DGKK: variants seen among roughly 807,000 people sequenced by gnomAD.
DGKK encodes diacylglycerol kinase kappa, also known as 142 kDa diacylglycerol kinase.
In DGKK, 35 loss-of-function variants were observed where a neutral mutation model predicts 92.2. The observed-to-expected ratio is 0.38, with a 90% CI of 0.29 to 0.50. The LOEUF is 0.50. Ranked by LOEUF, DGKK falls within the 20% of genes least tolerant of loss-of-function variation. The pLI is 0.92. For missense variants in DGKK, 910 were observed against 992.2 expected, an observed-to-expected ratio of 0.92 and a Z score of 1.11; for synonymous variants, 368 against 360.6, an observed-to-expected ratio of 1.02 and a Z score of -0.23.
chrX:50,451,821 C>T (rs1569545127), intron 1 of DGKK, among the ~76,000 whole-genome samples: 2 of 111,683 alleles, frequency 1.8e-5, no homozygotes, highest in East Asian at 5.7e-4. Flanking sequence ...AAGGAAACAG[C>T]AGTAATTAAA....
intron 1 of DGKK, among the ~76,000 whole-genome samples, chrX:50,424,620 T>C (rs1482061588): frequency 1.8e-5 from 2 of 111,878 alleles, no homozygotes; most frequent in East Asian, 5.6e-4. Context: ...ATATCTCTAT[T>C]TGCAGTAGAG....
At chrX:50,438,329 A>G (rs1453866229) in intron 1 of DGKK, among the ~76,000 whole-genome samples, 1 of 111,891 alleles carries the variant, frequency 8.9e-6, no homozygotes, top group African/African-American at 3.2e-5. Context: ...CTTTGTATAC[A>G]TTAGTGCTAA....
In DGKK at chrX:50,394,205, A is replaced by G. The variant is rs1306063388; in HGVS notation, c.1412-870T>C. Among the ~76,000 whole-genome samples, 3 of 111,657 alleles carry G rather than the reference A, an allele frequency of 2.7e-5. 1 individual carries two copies. Among genetic ancestry groups the G allele is most frequent in the African/African-American group, 9.8e-5 (3 of 30,669 alleles). Reference sequence around the variant, plus strand: ...GATGCCTCTGCAAAAATAAATACACAGGGCAAAAAGCATGTGGCTCACTCC... The same window carrying G: ...GATGCCTCTGCAAAAATAAATACACGGGGCAAAAAGCATGTGGCTCACTCC... On this transcript the variant is annotated intron_variant, in intron 8 of 27. Transcript: ENST00000611977.
In DGKK at chrX:50,420,465, G is replaced by A. The variant is rs1557229016; in HGVS notation, c.880C>T (p.Arg294Trp). ...TTAATCCATTCTTCCATGTCTTTCC[G>A]GTTGGGTGCAGCCAGAGTGATTTTT... ...QRKITLAAPN[R>W]KDMEEWINII... is the part of the protein sequence containing the mutation. The change falls in exon 4 of 28, where the codon CGG becomes TGG. Residue 294 changes from arginine to tryptophan, a missense_variant. Transcript: ENST00000611977. The A allele has an allele frequency of 8.3e-7, 1 of 1,210,006 alleles. No homozygotes were observed.
chrX:50,377,688 G>A (rs1188830935), intron 22 of DGKK, among the ~76,000 whole-genome samples: 1 of 112,173 alleles, frequency 8.9e-6, no homozygotes, highest in Non-Finnish European at 1.9e-5. Context: ...GACACCTAAA[G>A]ACCATGTTCA....
In DGKK at chrX:50,367,544, T is replaced by C. The variant is rs1298641084; in HGVS notation, c.*1396A>G. The stretch of plus-strand genomic sequence containing the variant: ...AAGGGAAAAGGGCAAGATGGGAGAT[T>C]TGAAGGTGACTTGAGGACTGACCCA... On this transcript the variant is annotated 3_prime_UTR_variant, in exon 28 of 28. Coordinates refer to ENST00000611977, the MANE Select transcript of DGKK (RefSeq NM_001013742.4). The C allele has an allele frequency of 3.6e-5, 4 of 111,050 alleles. No individual in the cohort carries two copies. In the Admixed American group the frequency reaches 3.8e-4, roughly 11 times the overall value. The allele number at this position is 111,050 out of a possible 1,213,427, so 9.2% of individuals were successfully genotyped here. A position where few individuals can be genotyped will look rare whatever the true frequency, so the allele number is the denominator to read the frequency against.
At chrX:50,391,291 C>T in intron 11 of DGKK, 146 bp downstream of exon 11, 1 of 759,611 alleles carries the variant, frequency 1.3e-6, no homozygotes. Flanking sequence ...GAGACAAGCC[C>T]CACCCAACCC....
rs1294557066 is a variant in DGKK at position 50,379,982 on chromosome X, T to G, written c.2753A>C (p.Glu918Ala). ...YRKLEERVHL[E>A]CDGETISLPN... ...AAGACTACCCGCTTTTCCACTAACC[T>G]CCAAATGCACTCGTTCTTCCAGTTT... is the stretch of plus-strand genomic sequence containing the variant. Residue 918 changes from glutamate (E) to alanine (A), a missense_variant and splice_region_variant, in exon 19 of 28, where the codon GAG becomes GCG. Physicochemically the swap from Glu to Ala is moderately radical, Grantham distance 107. Transcript: ENST00000611977. 3 of 1,209,008 alleles carry G rather than the reference T, an allele frequency of 2.5e-6. No individual in the cohort carries two copies. The highest frequency in any genetic ancestry group is 3.4e-6 in the Non-Finnish European group (3 of 894,301).
At chrX:50,420,831 C>T (rs146907106) in intron 3 of DGKK, among the ~76,000 whole-genome samples, 1,647 of 111,720 alleles carry the variant, frequency 0.015, 26 homozygotes, top group African/African-American at 0.051. Flanking sequence ...ATTTCATAGC[C>T]GAGAAAACCA....
chrX:50,403,986 T>A (rs782236234), intron 5 of DGKK, 63 bp downstream of exon 5: 7 of 1,167,909 alleles, frequency 6.0e-6, no homozygotes, highest in African/African-American at 1.8e-5. Flanking sequence ...TAAAGCCACA[T>A]GAGTTCCTTC....
chrX:50,453,113 G>C (rs1926531613), intron 1 of DGKK, among the ~76,000 whole-genome samples: 1 of 111,620 alleles, frequency 9.0e-6, no homozygotes, highest in African/African-American at 3.3e-5. Context: ...AAAGTAATTA[G>C]TCCTAAAAGG....
chrX:50,435,934 T>TG (rs1221338409), intron 1 of DGKK, among the ~76,000 whole-genome samples: 1 of 111,623 alleles, frequency 9.0e-6, no homozygotes, highest in East Asian at 2.8e-4. Context: ...CCTAAAGCTG[T>TG]GGGTAGCCTT....
chrX:50,392,968 C>A (rs1259160620), intron 9 of DGKK, among the ~76,000 whole-genome samples, 184 bp downstream of exon 9: 5 of 112,409 alleles, frequency 4.4e-5, no homozygotes, highest in Non-Finnish European at 9.4e-5. Flanking sequence ...TGGGAGAGGG[C>A]TAAGAGCCCT....
At position 50,422,516 on chromosome X, in the gene DGKK, A is replaced by C; in HGVS notation, c.767T>G (p.Phe256Cys). The C allele has an allele frequency of 8.3e-7, 1 of 1,204,811 alleles. No homozygotes were observed. Among genetic ancestry groups the C allele is most frequent in the Non-Finnish European group, 1.1e-6 (1 of 891,737 alleles). Residue 256 changes from phenylalanine (F) to cysteine (C), a missense_variant, in exon 3 of 28, where the codon TTT becomes TGT. Transcript: ENST00000611977. The part of the protein sequence containing the change: ...YFAHHPAFAH[F>C]ETIDLSQATV... ...GGCTTGAGACAGATCAATCGTTTCA[A>C]AGTGTGCAAACTGGAAAGATATAAG... is the stretch of plus-strand genomic sequence containing the variant.
At chrX:50,391,690 T>A in intron 10 of DGKK, 114 bp from the exon 11 acceptor site, 2 of 830,046 alleles carry the variant, frequency 2.4e-6, no homozygotes, top group South Asian at 5.4e-5. Flanking sequence ...ACCAGTGGAT[T>A]TACGGGACTT....
At chrX:50,443,426 CAAAG>C (rs1436670702) in intron 1 of DGKK, among the ~76,000 whole-genome samples, 1 of 111,094 alleles carries the variant, frequency 9.0e-6, no homozygotes, top group East Asian at 2.8e-4. Flanking sequence ...ATACATAAAA[CAAAG>C]AAATTATGTC....
Position 50,393,385 on chromosome X carries a change from A to T in DGKK, c.1412-50T>A, listed in dbSNP as rs781884020. The T allele has an allele frequency of 2.9e-6, 3 of 1,043,335 alleles. No individual in the cohort carries two copies. In the South Asian group the frequency reaches 6.6e-5, roughly 23 times the overall value. The allele number at this position is 1,043,335 out of a possible 1,213,427, so 86.0% of individuals were successfully genotyped here. ...GAAAAAAAAGAACGGACCCGTTGAG[A>T]TGGAAACGAGACATGACTTAACATC... On this transcript the variant is annotated intron_variant, in intron 8 of 27. Transcript: ENST00000611977.
chrX:50,367,705 T>G lies in DGKK; in HGVS notation c.*1235A>C, dbSNP rs2147114123. 9.0e-6 allele frequency: 1 copy of G among 111,388 alleles called. No individual in the cohort carries two copies. 9.2% of individuals were successfully genotyped at this position (111,388 alleles called of 1,213,427 possible). On this transcript the variant is annotated 3_prime_UTR_variant, in exon 28 of 28. Coordinates refer to ENST00000611977, the MANE Select transcript of DGKK (RefSeq NM_001013742.4). ...GCCTGGTTGCTCCATATAGTCTTTTTATTGGGGAAGGGCACAGTTGCTGAT... is the reference window on the plus strand; with the variant it reads ...GCCTGGTTGCTCCATATAGTCTTTTGATTGGGGAAGGGCACAGTTGCTGAT...
intron 8 of DGKK, among the ~76,000 whole-genome samples, chrX:50,400,634 T>G (rs782618074): frequency 8.9e-6 from 1 of 111,904 alleles, no homozygotes; most frequent in Non-Finnish European, 1.9e-5. Flanking sequence ...GGGGTAATGA[T>G]CATGTTAGTT....
Sources: allele counts gnomAD v4.1 joint callset (sites outside exome capture counted in the v4.1 genomes callset), GRCh38; gene constraint gnomAD v4.1.1; transcripts MANE v1.5; gene names NCBI Gene and HGNC (gene_info 2026-07-23, HGNC 2026-07-21).